NAV3: variants seen among roughly 807,000 people sequenced by gnomAD.
NAV3 encodes pore membrane and/or filament interacting like protein 1.
A neutral mutation model predicts 244.7 loss-of-function variants in NAV3; 87 were observed. The observed-to-expected ratio is 0.36, with a 90% CI of 0.30 to 0.42. The LOEUF is 0.42. Ranked by LOEUF, NAV3 falls within the 20% of genes least tolerant of loss-of-function variation. NAV3 has a pLI of 1.00. For synonymous variants in NAV3, 1,126 were observed against 1,042.2 expected (o/e 1.08, Z -1.55); for missense variants, 2,663 against 2,893.3 (o/e 0.92, Z 1.83).
chr12:77,741,794 T>C (rs1399743487), intron 2 of NAV3, among the ~76,000 whole-genome samples: 1 of 152,180 alleles, frequency 6.6e-6, no homozygotes, highest in Non-Finnish European at 1.5e-5. Flanking sequence ...TGATGACAAA[T>C]TCATGTTGTT....
At chr12:77,649,491 A>G (rs780157236) in intron 2 of NAV3, among the ~76,000 whole-genome samples, 3 of 152,164 alleles carry the variant, frequency 2.0e-5, no homozygotes, top group African/African-American at 4.8e-5. Context: ...TGCTGTTTGC[A>G]TCTAATTATA....
chr12:77,716,036 G>C (rs1453933829), intron 2 of NAV3, among the ~76,000 whole-genome samples: 2 of 151,966 alleles, frequency 1.3e-5, no homozygotes, highest in Admixed American at 1.3e-4. Flanking sequence ...CTATGTGTTA[G>C]ATTTACAATT....
In NAV3 at chr12:78,119,411, G is replaced by T. The variant is rs1211789032; in HGVS notation, c.3215G>T (p.Gly1072Val). Reference protein sequence around the residue: ...TSSFGFKKPSGVGSSAMITSS... With the variant: ...TSSFGFKKPSVVGSSAMITSS... ...TCCTTTGGCTTTAAGAAACCAAGTG[G>T]AGTAGGGTCATCTGCCATGATCACC... The change falls in exon 15 of 40, where the codon GGA becomes GTA. Residue 1072 changes from glycine to valine, a missense_variant. Coordinates refer to ENST00000397909, the MANE Select transcript of NAV3 (RefSeq NM_001024383.2). 8 of 1,614,156 alleles carry T rather than the reference G, an allele frequency of 5.0e-6. No homozygotes were observed. The highest frequency in any genetic ancestry group is 5.9e-6 in the Non-Finnish European group (7 of 1,180,034).
chr12:78,047,254 G>A (rs999203000), intron 9 of NAV3, among the ~76,000 whole-genome samples: 38 of 152,082 alleles, frequency 2.5e-4, no homozygotes, highest in Admixed American at 3.9e-4. Flanking sequence ...TTGAGAGGCC[G>A]AGGCAGGCGG....
intron 23 of NAV3, among the ~76,000 whole-genome samples, chr12:78,159,609 C>A (rs1286773208): frequency 2.0e-5 from 3 of 151,850 alleles, no homozygotes; most frequent in Non-Finnish European, 2.9e-5. Context: ...GCAGAGGACG[C>A]AGTGAGCCAA....
chr12:78,054,597 C>T (rs1344454982), intron 11 of NAV3, among the ~76,000 whole-genome samples: 1 of 152,086 alleles, frequency 6.6e-6, no homozygotes, highest in African/African-American at 2.4e-5. Flanking sequence ...CTGGCTCAAG[C>T]TCATAAGATT....
At chr12:77,607,150 A>G (rs896597310) in intron 2 of NAV3, among the ~76,000 whole-genome samples, 2 of 152,116 alleles carry the variant, frequency 1.3e-5, no homozygotes, top group Non-Finnish European at 1.5e-5. Context: ...TAATAGTTCA[A>G]AAATACTCTC....
Position 78,006,884 on chromosome 12 carries a change from C to T in NAV3, c.1346C>T (p.Pro449Leu), listed in dbSNP as rs796852973. The change falls in exon 8 of 40, where the codon CCA becomes CTA. Residue 449 changes from proline (P) to leucine (L), a missense_variant. Physicochemically the swap from Pro to Leu is moderately conservative, Grantham distance 98. Around this residue, in one of 6 missense-constraint regions of NAV3, gnomAD observed 1,521 missense variants for 1,497.0 expected, o/e 1.02. Coordinates refer to ENST00000397909, the MANE Select transcript of NAV3 (RefSeq NM_001024383.2). Reference protein sequence around the residue: ...SPKVSPKLAPPKAGSKNLSNK... With the variant: ...SPKVSPKLAPLKAGSKNLSNK... ...AAAGTGTCACCTAAGTTGGCCCCTCCAAAAGCTGGAAGCAAAAATCTCAGC... is the reference window on the plus strand; with the variant it reads ...AAAGTGTCACCTAAGTTGGCCCCTCTAAAAGCTGGAAGCAAAAATCTCAGC... 1.2e-6 allele frequency: 2 copies of T among 1,614,050 alleles called. No homozygotes were observed. The highest frequency in any genetic ancestry group is 2.7e-5 in the African/African-American group (2 of 74,982).
chr12:77,892,422 T>G (rs902443281), intron 1 of NAV3, among the ~76,000 whole-genome samples: 1 of 152,096 alleles, frequency 6.6e-6, no homozygotes, highest in Non-Finnish European at 1.5e-5. Flanking sequence ...ATTTGAATTT[T>G]TTTTTTTTTT....
chr12:77,792,257 G>T (rs1871212307), intron 2 of NAV3, among the ~76,000 whole-genome samples: 1 of 152,052 alleles, frequency 6.6e-6, no homozygotes, highest in South Asian at 2.1e-4. Context: ...AACTCAGGTG[G>T]GCAAGAAATA....
At chr12:77,823,071 A>T (rs938070927) in intron 2 of NAV3, among the ~76,000 whole-genome samples, 1 of 152,208 alleles carries the variant, frequency 6.6e-6, no homozygotes, top group East Asian at 1.9e-4. Flanking sequence ...AAAGAAGGGT[A>T]ATCAAAGGGG....
chr12:77,712,947 T>C (rs1394120418), intron 2 of NAV3, among the ~76,000 whole-genome samples: 1 of 152,190 alleles, frequency 6.6e-6, no homozygotes, highest in East Asian at 1.9e-4. Context: ...GACTCAGTTC[T>C]TTGTGGGTGT....
intron 5 of NAV3, among the ~76,000 whole-genome samples, chr12:77,985,167 A>T (rs1443872230): frequency 6.6e-6 from 1 of 152,212 alleles, no homozygotes; most frequent in East Asian, 1.9e-4. Flanking sequence ...AGGGGTTATA[A>T]TTCTCCGAAT....
At chr12:78,194,424 A>T (rs186401231) in intron 34 of NAV3, among the ~76,000 whole-genome samples, 3 of 152,030 alleles carry the variant, frequency 2.0e-5, no homozygotes, top group Non-Finnish European at 4.4e-5. Context: ...TGGAACATAG[A>T]ATATCTTTTC....
intron 9 of NAV3, among the ~76,000 whole-genome samples, chr12:78,048,664 G>A (rs1370830415): frequency 2.6e-5 from 4 of 152,304 alleles, no homozygotes; most frequent in Middle Eastern, 3.4e-3. Context: ...ACACCTGCTG[G>A]GAGGTGTCTC....
At chr12:77,720,204 A>AT (rs1170358312) in intron 2 of NAV3, among the ~76,000 whole-genome samples, 37 of 150,532 alleles carry the variant, frequency 2.5e-4, no homozygotes, top group Non-Finnish European at 4.9e-4. Flanking sequence ...TGGTTTATCA[A>AT]TTTTTTTTCT....
chr12:77,788,773 C>T (rs547383356), intron 2 of NAV3, among the ~76,000 whole-genome samples: 1 of 152,012 alleles, frequency 6.6e-6, no homozygotes, highest in Admixed American at 6.6e-5. Flanking sequence ...TTCTAAGACA[C>T]AGTAATTGAG....
At chr12:77,598,367 TG>T (rs1478376601) in intron 2 of NAV3, among the ~76,000 whole-genome samples, 1 of 152,074 alleles carries the variant, frequency 6.6e-6, no homozygotes, top group Non-Finnish European at 1.5e-5. Context: ...GGTCCAGTAA[TG>T]TATCATACCA....
chr12:77,864,729 A>G (rs999748411), intron 1 of NAV3, among the ~76,000 whole-genome samples: 41 of 152,114 alleles, frequency 2.7e-4, no homozygotes, highest in African/African-American at 9.6e-4. Flanking sequence ...TAGGTACATT[A>G]ATCTGTAGTT....
Sources: allele counts gnomAD v4.1 joint callset (sites outside exome capture counted in the v4.1 genomes callset), GRCh38; gene constraint gnomAD v4.1.1; regional missense constraint gnomAD v4.1.1; transcripts MANE v1.5; gene names NCBI Gene and HGNC (gene_info 2026-07-23, HGNC 2026-07-21).